NR6A1: variants seen among roughly 807,000 people sequenced by gnomAD.
NR6A1 encodes retinoic acid receptor-related testis-associated receptor.
In NR6A1, 7 loss-of-function variants were observed where a neutral mutation model predicts 59.1. That is an observed-to-expected ratio of 0.12 (90% CI 0.07 to 0.22). The LOEUF (loss-of-function observed/expected upper bound fraction) is 0.22, where lower values mean the gene tolerates loss of function less well. Among genes scored for constraint, NR6A1 ranks in the 10% least tolerant of loss-of-function variants. The pLI, the probability that NR6A1 is intolerant of heterozygous loss-of-function variation, is 1.00. For synonymous variants in NR6A1, 243 were observed against 236.1 expected, an observed-to-expected ratio of 1.03 and a Z score of -0.27; for missense variants, 468 against 611.6, an observed-to-expected ratio of 0.77 and a Z score of 2.48.
At chr9:124,627,761 CG>C (rs1836285591) in intron 2 of NR6A1, among the ~76,000 whole-genome samples, 1 of 151,800 alleles carries the variant, frequency 6.6e-6, no homozygotes, top group Admixed American at 6.6e-5. Flanking sequence ...TTTGTACAAA[CG>C]GGGCCTTGTC....
intron 1 of NR6A1, among the ~76,000 whole-genome samples, chr9:124,748,325 G>C (rs912948944): frequency 2.0e-5 from 3 of 152,000 alleles, no homozygotes; most frequent in African/African-American, 2.4e-5. Context: ...ATAATAGGGG[G>C]TACAAATCAT....
chr9:124,525,323 A>G (rs1288226227), intron 8 of NR6A1, among the ~76,000 whole-genome samples: 2 of 145,056 alleles, frequency 1.4e-5, no homozygotes, highest in Non-Finnish European at 3.0e-5. Context: ...ACACACACAC[A>G]GCACCCTCCT....
At chr9:124,770,741 G>T (rs1219615371) in intron 1 of NR6A1, among the ~76,000 whole-genome samples, 4 of 140,848 alleles carry the variant, frequency 2.8e-5, no homozygotes, top group African/African-American at 1.1e-4. Flanking sequence ...AGAGGGGACG[G>T]GGGGAGGGGG....
At chr9:124,738,194 C>G (rs1840067852) in intron 1 of NR6A1, among the ~76,000 whole-genome samples, 1 of 151,730 alleles carries the variant, frequency 6.6e-6, no homozygotes, top group Non-Finnish European at 1.5e-5. Context: ...GCGGAGGTTG[C>G]AGTGAGCGGA....
chr9:124,729,519 G>C (rs543333093), intron 2 of NR6A1, among the ~76,000 whole-genome samples: 60 of 152,262 alleles, frequency 3.9e-4, no homozygotes, highest in Non-Finnish European at 8.2e-4. Context: ...ATGAGGTCAA[G>C]ACTGCAGTGA....
chr9:124,762,608 G>C (rs1414212865), intron 1 of NR6A1, among the ~76,000 whole-genome samples: 1 of 152,178 alleles, frequency 6.6e-6, no homozygotes, highest in Admixed American at 6.5e-5. Context: ...CTTTCTTAAA[G>C]GTTAGTTCAG....
intron 1 of NR6A1, among the ~76,000 whole-genome samples, chr9:124,761,576 A>G (rs978192181): frequency 1.3e-4 from 20 of 152,182 alleles, no homozygotes; most frequent in Non-Finnish European, 2.4e-4. Context: ...TCCTATACAG[A>G]CTTTATTACC....
chr9:124,553,240 G>A (rs1179292495), intron 3 of NR6A1, among the ~76,000 whole-genome samples: 4 of 151,958 alleles, frequency 2.6e-5, no homozygotes, highest in Non-Finnish European at 5.9e-5. Context: ...ACTCTCCATG[G>A]GAATACCACT....
At chr9:124,756,491 T>C (rs1056957074) in intron 1 of NR6A1, among the ~76,000 whole-genome samples, 1 of 152,254 alleles carries the variant, frequency 6.6e-6, no homozygotes, top group Non-Finnish European at 1.5e-5. Context: ...ATATGACTTA[T>C]GCTTTAATAA....
chr9:124,709,328 A>C (rs2131067606), intron 2 of NR6A1, among the ~76,000 whole-genome samples: 1 of 152,292 alleles, frequency 6.6e-6, no homozygotes, highest in Middle Eastern at 3.4e-3. Context: ...TGAAAGGACA[A>C]ATGGACCCTG....
At chr9:124,552,560 A>C (rs550108748) in intron 3 of NR6A1, among the ~76,000 whole-genome samples, 19 of 152,354 alleles carry the variant, frequency 1.2e-4, no homozygotes, top group Non-Finnish European at 1.9e-4. Context: ...TAGACATGTG[A>C]AGCAGTACAT....
intron 2 of NR6A1, among the ~76,000 whole-genome samples, chr9:124,691,558 A>G (rs1196432835): frequency 3.3e-5 from 5 of 152,332 alleles, no homozygotes; most frequent in African/African-American, 1.2e-4. Context: ...ACAGACATTC[A>G]ACAGAATCAA....
At chr9:124,646,924 AT>A (rs1836944973) in intron 2 of NR6A1, among the ~76,000 whole-genome samples, 1 of 152,146 alleles carries the variant, frequency 6.6e-6, no homozygotes, top group Non-Finnish European at 1.5e-5. Flanking sequence ...GAGTTTTTAA[AT>A]TTTTTAACAG....
chr9:124,603,823 C>T lies in NR6A1; in HGVS notation c.143-49253G>A, dbSNP rs938833612. Among the ~76,000 whole-genome samples, 8 of 152,104 alleles carry T rather than the reference C, an allele frequency of 5.3e-5. 1 individual carries two copies. The highest frequency in any genetic ancestry group is 2.6e-4 in the Admixed American group (4 of 15,258). ...TAGACCACCTTAGGCCAGCCATTCC[C>T]GCAAAGCCAAAACCAGTTTTCCCAG... On this transcript the variant is annotated intron_variant, in intron 2 of 9. Coordinates refer to ENST00000487099, the MANE Select transcript of NR6A1 (RefSeq NM_033334.4).
At chr9:124,662,609 A>G (rs1837477617) in intron 2 of NR6A1, among the ~76,000 whole-genome samples, 1 of 152,222 alleles carries the variant, frequency 6.6e-6, no homozygotes, top group Non-Finnish European at 1.5e-5. Flanking sequence ...TCAGATAGAT[A>G]CTATTCAAAA....
chr9:124,723,997 T>A (rs1839638704), intron 2 of NR6A1, among the ~76,000 whole-genome samples: 1 of 152,200 alleles, frequency 6.6e-6, no homozygotes, highest in Non-Finnish European at 1.5e-5. Context: ...GTGGCATTAT[T>A]TATGATGCAG....
At chr9:124,544,730 G>A (rs1452636281) in intron 3 of NR6A1, among the ~76,000 whole-genome samples, 1 of 152,154 alleles carries the variant, frequency 6.6e-6, no homozygotes, top group African/African-American at 2.4e-5. Flanking sequence ...TGGCCTATGT[G>A]GGGGAAGAGT....
chr9:124,657,892 C>T (rs1837310329), intron 2 of NR6A1, among the ~76,000 whole-genome samples: 1 of 152,190 alleles, frequency 6.6e-6, no homozygotes, highest in Admixed American at 6.5e-5. Context: ...ATCCAATTTT[C>T]ATTAAGAGCA....
At chr9:124,759,028 G>A (rs1216922457) in intron 1 of NR6A1, among the ~76,000 whole-genome samples, 4 of 152,038 alleles carry the variant, frequency 2.6e-5, no homozygotes, top group Admixed American at 6.6e-5. Context: ...AGTATCTCCT[G>A]GGCCTCATAA....
Sources: gnomAD v4.1 joint callset for allele counts (sites outside exome capture counted in the v4.1 genomes callset) on GRCh38, gnomAD v4.1.1 for gene constraint, MANE v1.5 for transcripts, NCBI Gene and HGNC (gene_info 2026-07-23, HGNC 2026-07-21) for gene names.